LUC7L2: variants seen among roughly 807,000 people sequenced by gnomAD.
The protein encoded by LUC7L2 is putative RNA-binding protein Luc7-like 2.
LUC7L2 carries 25 observed loss-of-function variants against 52.8 expected under a neutral mutation model. The ratio of observed to expected loss-of-function variants is 0.47; its 90% CI spans 0.34 to 0.66. LUC7L2 has a LOEUF of 0.66. Among genes scored for constraint, LUC7L2 ranks in the 30% least tolerant of loss-of-function variants. The pLI, the probability that LUC7L2 is intolerant of heterozygous loss-of-function variation, is 0.01. For synonymous variants in LUC7L2, 144 were observed against 160.9 expected (o/e 0.89, Z 0.80); for missense variants, 328 against 497.8 (o/e 0.66, Z 3.25).
chr7:139,404,155 G>A (rs551710072), intron 4 of LUC7L2, among the ~76,000 whole-genome samples: 2 of 152,288 alleles, frequency 1.3e-5, no homozygotes, highest in East Asian at 3.9e-4. Context: ...GGATATTTGA[G>A]AAGTAAAGAC....
At chr7:139,376,209 C>A in intron 2 of LUC7L2, 53 bp downstream of exon 2, 2 of 1,557,416 alleles carry the variant, frequency 1.3e-6, no homozygotes, top group Non-Finnish European at 1.8e-6. Context: ...CAGTAATGAA[C>A]TACTTGATAA....
chr7:139,409,028 G>C (rs550054095), intron 6 of LUC7L2, among the ~76,000 whole-genome samples: 1 of 151,934 alleles, frequency 6.6e-6, no homozygotes, highest in Non-Finnish European at 1.5e-5. Context: ...GGTGATGCAC[G>C]CCTGTAATCC....
chr7:139,368,252 T>G (rs529173137), intron 1 of LUC7L2, among the ~76,000 whole-genome samples: 1 of 152,332 alleles, frequency 6.6e-6, no homozygotes. Context: ...ATAATTTGCT[T>G]CTGTCATCTT....
intron 1 of LUC7L2, among the ~76,000 whole-genome samples, chr7:139,343,815 G>A (rs568460631): frequency 6.6e-6 from 1 of 151,100 alleles, no homozygotes; most frequent in Non-Finnish European, 1.5e-5. Flanking sequence ...TGCGTCTGTA[G>A]TCCCAGCTAC....
In LUC7L2 at chr7:139,409,648, T is replaced by C; in HGVS notation, c.773T>C (p.Leu258Pro). Reference sequence around the variant, plus strand: ...AGAGAGAGAGAAGAAAGGGAGAAGCTGAGGAGGTATGGAGTAATGGGCCAA... The same window carrying C: ...AGAGAGAGAGAAGAAAGGGAGAAGCCGAGGAGGTATGGAGTAATGGGCCAA... ...EEREREEREK[L>P]RRSRSHSKNP... Residue 258 changes from leucine (L) to proline (P), a missense_variant, in exon 7 of 10, where the codon CTG becomes CCG. Around this residue, in one of 2 missense-constraint regions of LUC7L2, gnomAD observed 195 missense variants for 223.3 expected, o/e 0.87. Coordinates refer to ENST00000354926, the MANE Select transcript of LUC7L2 (RefSeq NM_016019.5). 6.2e-7 allele frequency: 1 copy of C among 1,608,208 alleles called. No homozygotes were observed. Among genetic ancestry groups the C allele is most frequent in the African/African-American group, 1.3e-5 (1 of 74,736 alleles).
intron 1 of LUC7L2, chr7:139,375,112 C>A (rs1800640911): frequency 1.0e-6 from 1 of 984,044 alleles, no homozygotes; most frequent in Non-Finnish European, 1.2e-6. Context: ...AGGAAACATC[C>A]TAATGAGTTT....
intron 5 of LUC7L2, among the ~76,000 whole-genome samples, chr7:139,406,161 C>T (rs1188572999): frequency 6.6e-6 from 1 of 152,144 alleles, no homozygotes; most frequent in Admixed American, 6.5e-5. Flanking sequence ...AAGCGATTCT[C>T]CTGCCTCAGC....
chr7:139,421,769 A>G (rs998427049), intron 9 of LUC7L2, among the ~76,000 whole-genome samples: 2 of 152,254 alleles, frequency 1.3e-5, no homozygotes, highest in Non-Finnish European at 2.9e-5. Flanking sequence ...GCAGTACCCC[A>G]GATAGTCACC....
chr7:139,352,631 C>T (rs1192206495), intron 1 of LUC7L2, among the ~76,000 whole-genome samples: 2 of 152,216 alleles, frequency 1.3e-5, no homozygotes, highest in African/African-American at 4.8e-5. Context: ...TTTCTCCTCT[C>T]CACAAACTTC....
At chr7:139,394,398 A>T (rs1264870582) in intron 2 of LUC7L2, among the ~76,000 whole-genome samples, 3 of 152,158 alleles carry the variant, frequency 2.0e-5, no homozygotes, top group Non-Finnish European at 4.4e-5. Context: ...CTCTCACCAA[A>T]AAGTCCACCT....
Position 139,402,242 on chromosome 7 carries a change from G to A in LUC7L2, c.361G>A (p.Ala121Thr). The A allele has an allele frequency of 6.3e-7, 1 of 1,594,130 alleles. No homozygotes were observed. Among genetic ancestry groups the A allele is most frequent in the Non-Finnish European group, 8.5e-7 (1 of 1,173,300 alleles). ...AGAAGAGATTAGTGCTGAAGTAGCA[G>A]CAAAGGTAAGAATTTTAATCATTTC... The part of the protein sequence containing the change: ...TQEEISAEVA[A>T]KAERVHELNE... Residue 121 changes from alanine (A) to threonine (T), a missense_variant, in exon 4 of 10, where the codon GCA (alanine) becomes ACA (threonine). Coordinates refer to ENST00000354926, the MANE Select transcript of LUC7L2 (RefSeq NM_016019.5).
intron 8 of LUC7L2, among the ~76,000 whole-genome samples, chr7:139,413,093 A>C (rs1795441194): frequency 6.6e-6 from 1 of 152,166 alleles, no homozygotes; most frequent in Non-Finnish European, 1.5e-5. Context: ...TCCTTTATAC[A>C]GTGATCACAG....
intron 4 of LUC7L2, among the ~76,000 whole-genome samples, chr7:139,405,242 G>A (rs917701679): frequency 1.3e-5 from 2 of 152,208 alleles, no homozygotes; most frequent in Non-Finnish European, 2.9e-5. Context: ...TCCCATCCCA[G>A]AAAGAAGAGT....
upstream of LUC7L2, among the ~76,000 whole-genome samples, chr7:139,356,723 C>T (rs997884900): frequency 6.6e-6 from 1 of 151,888 alleles, no homozygotes; most frequent in African/African-American, 2.4e-5. Context: ...GCAACCACAA[C>T]AATATGTAAA....
intron 1 of LUC7L2, chr7:139,363,156 T>G: frequency 3.1e-6 from 3 of 971,894 alleles, no homozygotes; most frequent in Non-Finnish European, 3.7e-6. Context: ...AAACTCTGCC[T>G]TCTTTGCAAT....
intron 1 of LUC7L2, among the ~76,000 whole-genome samples, chr7:139,353,201 T>C (rs1799506264): frequency 6.6e-6 from 1 of 151,928 alleles, no homozygotes; most frequent in South Asian, 2.1e-4. Flanking sequence ...TCCCAAAAAT[T>C]AATAGGCACC....
intron 1 of LUC7L2, 44 bp from the exon 2 acceptor site, chr7:139,376,018 C>G (rs759354046): frequency 2.6e-5 from 42 of 1,602,084 alleles, no homozygotes; most frequent in Non-Finnish European, 3.3e-5. Flanking sequence ...AAAATACTTT[C>G]CAGTTGTCTA....
chr7:139,419,923 C>G (rs1472063163), intron 9 of LUC7L2, among the ~76,000 whole-genome samples: 1 of 152,126 alleles, frequency 6.6e-6, no homozygotes, highest in Non-Finnish European at 1.5e-5. Context: ...CTGTTAAAAC[C>G]TACTTGGTAT....
Position 139,423,442 on chromosome 7 carries a change from TA to T in LUC7L2, c.*1103del. On this transcript the variant is annotated 3_prime_UTR_variant, in exon 10 of 10. Transcript: ENST00000354926. ...ATTCAACAAACCCAAATAAAAACAG[TA>T]TATGTAACCAACATAATGAGACTTA... 1 of 398,900 alleles carries T rather than the reference TA, an allele frequency of 2.5e-6. No individual in the cohort carries two copies. The highest frequency in any genetic ancestry group is 4.4e-6 in the Non-Finnish European group (1 of 226,044). 24.7% of individuals were successfully genotyped at this position (398,900 alleles called of 1,614,324 possible). A position where few individuals can be genotyped will look rare whatever the true frequency, so the allele number is the denominator to read the frequency against.
Sources: gnomAD v4.1 joint callset for allele counts (sites outside exome capture counted in the v4.1 genomes callset) on GRCh38, gnomAD v4.1.1 for gene constraint, gnomAD v4.1.1 regional missense constraint, MANE v1.5 for transcripts, NCBI Gene and HGNC (gene_info 2026-07-23, HGNC 2026-07-21) for gene names.